The following ENTREP2 variants were observed in gnomAD, a reference collection of about 807,000 sequenced individuals.
ENTREP2 encodes endosomal transmembrane epsin interactor 2.
At chr15:29,302,251 T>C in the ENTREP2 span, among the ~76,000 whole-genome samples, 15 of 152,114 alleles carry the variant, frequency 9.9e-5, no homozygotes, top group Non-Finnish European at 8.8e-5. Context: ...ATTTAAAAAA[T>C]GCATACCAAG....
At chr15:29,598,172 C>T in the ENTREP2 span, among the ~76,000 whole-genome samples, 2 of 152,090 alleles carry the variant, frequency 1.3e-5, no homozygotes, top group Non-Finnish European at 2.9e-5. Flanking sequence ...AGCGCAAATT[C>T]TCTTCCAAAG....
the ENTREP2 span, among the ~76,000 whole-genome samples, chr15:29,370,890 GAACAC>G: frequency 6.6e-6 from 1 of 151,782 alleles, no homozygotes; most frequent in Non-Finnish European, 1.5e-5. Context: ...AGAGTGTCTG[GAACAC>G]ATCATAGAAG....
the ENTREP2 span, among the ~76,000 whole-genome samples, chr15:29,499,696 A>G: frequency 1.2e-4 from 19 of 152,154 alleles, no homozygotes; most frequent in African/African-American, 4.1e-4. Flanking sequence ...CTTTGATAAC[A>G]TACAAAAACT....
the ENTREP2 span, among the ~76,000 whole-genome samples, chr15:29,636,271 G>A: frequency 5.3e-5 from 8 of 152,156 alleles, no homozygotes; most frequent in South Asian, 1.2e-3. Flanking sequence ...TCCTCACGTC[G>A]CAACTGTTGC....
the ENTREP2 span, among the ~76,000 whole-genome samples, chr15:29,119,635 AAATAAAATAAAAT>A: frequency 1.8e-4 from 1 of 5,556 alleles, no homozygotes; most frequent in African/African-American, 2.5e-4. Flanking sequence ...TAAATAAATA[AAATAAAATAAAAT>A]AATAAAATAA....
At chr15:29,216,910 CCTTT>C in the ENTREP2 span, among the ~76,000 whole-genome samples, 1 of 152,050 alleles carries the variant, frequency 6.6e-6, no homozygotes, top group African/African-American at 2.4e-5. Context: ...AATTAAGAGT[CCTTT>C]ATTTAAGCCG....
At chr15:29,615,357 TG>T in the ENTREP2 span, among the ~76,000 whole-genome samples, 1 of 152,252 alleles carries the variant, frequency 6.6e-6, no homozygotes, top group Non-Finnish European at 1.5e-5. Flanking sequence ...GTTTTCACCA[TG>T]TTGGCCAGTC....
chr15:29,498,211 T>G, the ENTREP2 span, among the ~76,000 whole-genome samples: 1 of 152,140 alleles, frequency 6.6e-6, no homozygotes, highest in Non-Finnish European at 1.5e-5. Flanking sequence ...TCTTGAGGCC[T>G]CCCCAGCCAT....
chr15:29,136,292 T>C, the ENTREP2 span: 1 of 1,414,028 alleles, frequency 7.1e-7, no homozygotes, highest in African/African-American at 1.5e-5. Context: ...GTGAGGTGCC[T>C]TCCGAGGGCA....
the ENTREP2 span, among the ~76,000 whole-genome samples, chr15:29,137,476 A>C: frequency 6.6e-6 from 1 of 152,092 alleles, no homozygotes; most frequent in Admixed American, 6.6e-5. Context: ...TACCACTCCA[A>C]CTGGCCCCTC....
At chr15:29,576,396 C>CG in the ENTREP2 span, among the ~76,000 whole-genome samples, 1 of 152,020 alleles carries the variant, frequency 6.6e-6, no homozygotes, top group Non-Finnish European at 1.5e-5. Context: ...AGGCATAAAC[C>CG]GTGACCTTGG....
At chr15:29,448,729 TATCAC>T in the ENTREP2 span, among the ~76,000 whole-genome samples, 30 of 152,210 alleles carry the variant, frequency 2.0e-4, no homozygotes, top group African/African-American at 6.5e-4. Flanking sequence ...ATATGATAAA[TATCAC>T]ATCACATCGG....
At chr15:29,163,226 A>G in the ENTREP2 span, among the ~76,000 whole-genome samples, 2 of 152,134 alleles carry the variant, frequency 1.3e-5, no homozygotes, top group Non-Finnish European at 2.9e-5. Flanking sequence ...CACAAAACCA[A>G]TGCTGGTAAT....
At chr15:29,526,068 G>C in the ENTREP2 span, among the ~76,000 whole-genome samples, 26 of 152,172 alleles carry the variant, frequency 1.7e-4, no homozygotes, top group African/African-American at 6.0e-4. Context: ...ATATGCTATG[G>C]CAGGAGAAAG....
At chr15:29,416,266 C>T in the ENTREP2 span, among the ~76,000 whole-genome samples, 2 of 152,106 alleles carry the variant, frequency 1.3e-5, no homozygotes, top group East Asian at 3.9e-4. Flanking sequence ...GCTACAGTAA[C>T]CAAAACAGCA....
the ENTREP2 span, among the ~76,000 whole-genome samples, chr15:29,500,127 C>T: frequency 1.3e-5 from 2 of 152,012 alleles, no homozygotes; most frequent in Non-Finnish European, 1.5e-5. Context: ...AATTGAAATA[C>T]AAAATAGGGA....
chr15:29,546,655 G>A, the ENTREP2 span, among the ~76,000 whole-genome samples: 2 of 152,084 alleles, frequency 1.3e-5, no homozygotes, highest in African/African-American at 4.8e-5. Context: ...GGGAGGCCGA[G>A]GCAGGCGGAT....
the ENTREP2 span, among the ~76,000 whole-genome samples, chr15:29,408,428 C>G: frequency 4.6e-5 from 7 of 151,956 alleles, no homozygotes; most frequent in Admixed American, 1.3e-4. Context: ...AAAGGAGGAA[C>G]GCCCTGGTGG....
the ENTREP2 span, among the ~76,000 whole-genome samples, chr15:29,445,834 G>A: frequency 1.3e-5 from 2 of 152,152 alleles, no homozygotes; most frequent in African/African-American, 4.8e-5. Flanking sequence ...GCCATCTAGA[G>A]TGGAAGCATC....
Sources: gnomAD v4.1 joint callset for allele counts (sites outside exome capture counted in the v4.1 genomes callset) on GRCh38, gnomAD v4.1.1 for gene constraint, MANE v1.5 for transcripts, NCBI Gene and HGNC (gene_info 2026-07-23, HGNC 2026-07-21) for gene names.